COL24A1: variants seen among roughly 807,000 people sequenced by gnomAD.
COL24A1 encodes the protein collagen type XXIV alpha 1 chain.
A neutral mutation model predicts 253.9 loss-of-function variants in COL24A1; 224 were observed. The ratio of observed to expected loss-of-function variants is 0.88; its 90% CI spans 0.79 to 0.99. The LOEUF (loss-of-function observed/expected upper bound fraction) is 0.99. COL24A1 is among the 50% of genes least tolerant of loss of function. COL24A1 has a pLI of 0.00. For missense variants in COL24A1, 2,131 were observed against 2,068.5 expected (o/e 1.03, Z -0.59); for synonymous variants, 685 against 673.7 (o/e 1.02, Z -0.26).
chr1:85,836,411 T>C (rs1008035496), intron 43 of COL24A1, among the ~76,000 whole-genome samples: 3 of 152,246 alleles, frequency 2.0e-5, no homozygotes, highest in Non-Finnish European at 4.4e-5. Flanking sequence ...TATTTTATCC[T>C]AATAAAGAAG....
chr1:86,128,721 C>A (rs1401705284), intron 2 of COL24A1, among the ~76,000 whole-genome samples: 1 of 151,924 alleles, frequency 6.6e-6, no homozygotes, highest in African/African-American at 2.4e-5. Flanking sequence ...TTTAGTGGAG[C>A]TTTGATGACA....
intron 47 of COL24A1, among the ~76,000 whole-genome samples, chr1:85,813,294 AAAG>A (rs1672727842): frequency 6.6e-6 from 1 of 152,000 alleles, no homozygotes. Context: ...GTGGGGATAA[AAAG>A]AAGTCAGCCT....
At chr1:85,781,102 G>A (rs181865104) in intron 52 of COL24A1, 118 bp downstream of exon 52, 1 of 699,802 alleles carries the variant, frequency 1.4e-6, no homozygotes, top group South Asian at 2.5e-5. Context: ...AGAAGAAAAT[G>A]TATATCTATT....
At chr1:86,113,341 A>G (rs1705803219) in intron 4 of COL24A1, among the ~76,000 whole-genome samples, 2 of 152,190 alleles carry the variant, frequency 1.3e-5, no homozygotes, top group Admixed American at 6.5e-5. Flanking sequence ...CCATGTCTCC[A>G]GGTTCCCTAT....
intron 25 of COL24A1, among the ~76,000 whole-genome samples, chr1:85,911,110 A>T (rs1314452631): frequency 6.6e-6 from 1 of 151,936 alleles, no homozygotes; most frequent in African/African-American, 2.4e-5. Flanking sequence ...CATGAAGTCG[A>T]TTTACATAAT....
At chr1:85,966,146 A>G (rs1164729138) in intron 22 of COL24A1, among the ~76,000 whole-genome samples, 1 of 152,158 alleles carries the variant, frequency 6.6e-6, no homozygotes, top group African/African-American at 2.4e-5. Context: ...ATGTGAAGGT[A>G]GAGCTTCCAG....
chr1:85,782,992 C>T (rs540192371), intron 51 of COL24A1, among the ~76,000 whole-genome samples: 7 of 152,198 alleles, frequency 4.6e-5, no homozygotes, highest in Non-Finnish European at 8.8e-5. Context: ...GCACTCATTG[C>T]TAATTGGAGT....
chr1:85,793,122 A>G (rs1036859323), intron 47 of COL24A1, among the ~76,000 whole-genome samples: 7 of 151,954 alleles, frequency 4.6e-5, no homozygotes, highest in Admixed American at 1.3e-4. Flanking sequence ...CACATATTTT[A>G]TTATTTTCTT....
chr1:85,760,169 C>A (rs1666709860), intron 55 of COL24A1, among the ~76,000 whole-genome samples: 2 of 151,698 alleles, frequency 1.3e-5, no homozygotes, highest in African/African-American at 4.8e-5. Flanking sequence ...GCCTCCCGGG[C>A]TCAGGTGATT....
chr1:85,758,539 C>T (rs555399637), intron 55 of COL24A1, among the ~76,000 whole-genome samples: 1 of 152,252 alleles, frequency 6.6e-6, no homozygotes, highest in African/African-American at 2.4e-5. Context: ...GGTCATTACC[C>T]TATCCTCACA....
chr1:86,012,720 C>T (rs552706574), intron 19 of COL24A1, among the ~76,000 whole-genome samples: 2 of 150,704 alleles, frequency 1.3e-5, no homozygotes, highest in African/African-American at 4.8e-5. Flanking sequence ...CATGCCTCTG[C>T]CCTATTTAAA....
At chr1:86,097,956 A>G (rs1326820716) in intron 5 of COL24A1, among the ~76,000 whole-genome samples, 2 of 152,140 alleles carry the variant, frequency 1.3e-5, no homozygotes, top group Non-Finnish European at 2.9e-5. Context: ...TCTCGTCCAG[A>G]TAGTCACAGA....
At chr1:85,766,482 A>G (rs148944443) in intron 53 of COL24A1, among the ~76,000 whole-genome samples, 163 of 152,134 alleles carry the variant, frequency 1.1e-3, no homozygotes, top group African/African-American at 3.5e-3. Context: ...GGGAGCAAGT[A>G]TAGAACAGAA....
intron 37 of COL24A1, among the ~76,000 whole-genome samples, chr1:85,863,767 C>T (rs146033789): frequency 0.013 from 1,926 of 152,274 alleles, 20 homozygotes; most frequent in Non-Finnish European, 0.018. Context: ...CAAAAGAAGA[C>T]ATCTATGCAG....
chr1:85,839,884 T>C (rs1005864366), intron 42 of COL24A1, among the ~76,000 whole-genome samples: 7 of 152,186 alleles, frequency 4.6e-5, no homozygotes, highest in Non-Finnish European at 8.8e-5. Context: ...CATCAAATTA[T>C]CTACTATAAA....
chr1:85,974,130 T>G (rs969406399), intron 20 of COL24A1, among the ~76,000 whole-genome samples: 4 of 152,260 alleles, frequency 2.6e-5, no homozygotes, highest in Non-Finnish European at 5.9e-5. Flanking sequence ...GCAAATCCAC[T>G]ATTAGAGAGG....
chr1:85,829,367 A>T (rs1376477444), intron 43 of COL24A1, among the ~76,000 whole-genome samples: 1 of 150,620 alleles, frequency 6.6e-6, no homozygotes, highest in Non-Finnish European at 1.5e-5. Flanking sequence ...TTTTTCCTTC[A>T]TTTCAACTTT....
chr1:85,906,262 G>GTTTTTTTTTTTTTTTTTTTTTTTTT (rs1438385660), intron 28 of COL24A1, among the ~76,000 whole-genome samples: 146 of 13,820 alleles, frequency 0.011, 2 homozygotes, highest in Non-Finnish European at 0.013. Flanking sequence ...AAACTGCAAG[G>GTTTTTTTTTTTTTTTTTTTTTTTTT]TCTTTTTTTT....
intron 24 of COL24A1, among the ~76,000 whole-genome samples, chr1:85,935,216 CA>C (rs1245229241): frequency 8.5e-6 from 1 of 118,064 alleles, no homozygotes; most frequent in Non-Finnish European, 1.9e-5. Context: ...TTAGATGAGT[CA>C]CCAAAGAGAA....
Sources: gnomAD v4.1 joint callset for allele counts (sites outside exome capture counted in the v4.1 genomes callset) on GRCh38, gnomAD v4.1.1 for gene constraint, MANE v1.5 for transcripts, NCBI Gene and HGNC (gene_info 2026-07-23, HGNC 2026-07-21) for gene names.